The following CYBB variants were observed in gnomAD, a reference collection of about 807,000 sequenced individuals.
CYBB encodes cytochrome b-245 beta chain, also known as NADPH oxidase 2.
Under a neutral mutation model 46.5 loss-of-function variants are expected in CYBB, and 5 were observed. That is an observed-to-expected ratio of 0.11 (90% CI 0.06 to 0.23). The LOEUF is 0.23. Ranked by LOEUF, CYBB falls within the 10% of genes least tolerant of loss-of-function variation. The pLI, the probability that CYBB is intolerant of heterozygous loss-of-function variation, is 1.00. For synonymous variants in CYBB, 183 were observed against 156.7 expected (o/e 1.17, Z -1.26); for missense variants, 307 against 428.3 (o/e 0.72, Z 2.50).
chrX:37,809,539 T>G (rs1556472651), intron 11 of CYBB, 28 bp from the exon 12 acceptor site: 6 of 1,181,669 alleles, frequency 5.1e-6, no homozygotes, highest in Non-Finnish European at 5.7e-6. Context: ...TGTCTCTTTT[T>G]TTTCTGAATT....
chrX:37,805,753 G>T (rs1221747450), intron 10 of CYBB, among the ~76,000 whole-genome samples: 1 of 110,464 alleles, frequency 9.1e-6, no homozygotes, highest in Admixed American at 9.7e-5. Context: ...GAGGAGAGGA[G>T]ACCTGAAACT....
At chrX:37,780,165 C>T (rs184619190) in intron 1 of CYBB, 43 bp downstream of exon 1, 17 of 1,095,371 alleles carry the variant, frequency 1.6e-5, no homozygotes, top group Middle Eastern at 2.5e-4. Flanking sequence ...TCTGACTTCT[C>T]GGGGTTATCT....
At chrX:37,795,255 G>C (rs1929276796) in intron 5 of CYBB, among the ~76,000 whole-genome samples, 1 of 111,452 alleles carries the variant, frequency 9.0e-6, no homozygotes. Flanking sequence ...ACCTGTTCCT[G>C]TGCAAACCGT....
rs1393121898 is a variant in CYBB at position 37,780,623 on chromosome X, A to G, written c.45+501A>G. Among the ~76,000 whole-genome samples, 3 of 110,860 alleles carry G rather than the reference A, an allele frequency of 2.7e-5. No homozygotes were observed. In the East Asian group the frequency reaches 8.4e-4, roughly 31 times the overall value. On this transcript the variant is annotated intron_variant, in intron 1 of 12. Transcript: ENST00000378588. ...AAACAAGTACCTTCTTTTTTCAGAG[A>G]TCTAAACTTGAGTTATTTATAAGAT...
chrX:37,803,339 TG>T (rs781830435), intron 8 of CYBB, among the ~76,000 whole-genome samples: 2 of 110,732 alleles, frequency 1.8e-5, no homozygotes, highest in East Asian at 5.7e-4. Context: ...CTCATCCTCT[TG>T]GGGGATAGGA....
intron 8 of CYBB, 36 bp downstream of exon 8, chrX:37,801,384 T>A: frequency 1.1e-6 from 1 of 930,864 alleles, no homozygotes; most frequent in Non-Finnish European, 1.6e-6. Flanking sequence ...GTGGTCAGTG[T>A]CTAACTATAT....
chrX:37,806,236 C>A, intron 10 of CYBB, 151 bp from the exon 11 acceptor site: 1 of 600,282 alleles, frequency 1.7e-6, no homozygotes, highest in East Asian at 3.3e-5. Flanking sequence ...GTAAACTACC[C>A]TGTGAAATGT....
rs781944350 is a variant in CYBB at position 37,806,412 on chromosome X, A to T, written c.1340A>T (p.Asp447Val). Residue 447 changes from aspartate to valine, a missense_variant, in exon 11 of 13, where the codon GAC becomes GTC. Coordinates refer to ENST00000378588, the MANE Select transcript of CYBB (RefSeq NM_000397.4). ...ATCTACTTCTACTGGCTGTGCCGGG[A>T]CACACATGCCTTTGAGTGGTTTGCA... The part of the protein sequence containing the change: ...KKIYFYWLCR[D>V]THAFEWFADL... 1.0e-4 allele frequency: 124 copies of T among 1,209,143 alleles called. 1 individual carries two copies. Among genetic ancestry groups the T allele is most frequent in the Non-Finnish European group, 1.3e-4 (116 of 894,631 alleles).
intron 8 of CYBB, among the ~76,000 whole-genome samples, chrX:37,802,951 T>A (rs930384371): frequency 1.1e-4 from 12 of 112,270 alleles, no homozygotes; most frequent in African/African-American, 1.9e-4. Flanking sequence ...TTCTATTTTT[T>A]AAAAAAATTA....
chrX:37,796,000 C>G lies in CYBB; in HGVS notation c.533C>G (p.Thr178Ser). ...GCTGTGACCCTGTTGGCAGGCATCA[C>G]TGGAGTTGTCATCACGCTGTGCCTC... ...YLAVTLLAGITGVVITLCLIL... is the reference protein window; with the variant it reads ...YLAVTLLAGISGVVITLCLIL... The change falls in exon 6 of 13, where the codon ACT (threonine) becomes AGT (serine). Residue 178 changes from threonine (T) to serine (S), a missense_variant. Around this residue, in one of 3 missense-constraint regions of CYBB, gnomAD observed 103 missense variants for 150.2 expected, o/e 0.69. Coordinates refer to ENST00000378588, the MANE Select transcript of CYBB (RefSeq NM_000397.4). 8.3e-7 allele frequency: 1 copy of G among 1,209,053 alleles called. No homozygotes were observed. The highest frequency in any genetic ancestry group is 1.1e-6 in the Non-Finnish European group (1 of 893,936).
intron 11 of CYBB, 65 bp downstream of exon 11, chrX:37,806,598 G>T: frequency 1.9e-6 from 2 of 1,034,768 alleles, no homozygotes; most frequent in Admixed American, 4.7e-5. Context: ...ACTTCCCCTT[G>T]GTTATTGGTG....
chrX:37,809,625 A>G lies in CYBB; in HGVS notation c.1520A>G (p.Gln507Arg). Reference sequence around the variant, plus strand: ...AAAGATGTGATCACAGGCCTGAAACAAAAGACTTTGTATGGACGGCCCAAC... The same window carrying G: ...AAAGATGTGATCACAGGCCTGAAACGAAAGACTTTGTATGGACGGCCCAAC... Reference protein sequence around the residue: ...EEKDVITGLKQKTLYGRPNWD... With the variant: ...EEKDVITGLKRKTLYGRPNWD... The change falls in exon 12 of 13, where the codon CAA becomes CGA. Residue 507 changes from glutamine (Q) to arginine (R), a missense_variant. By Grantham distance (43) the Gln-to-Arg change is conservative. Transcript: ENST00000378588. 8.3e-7 allele frequency: 1 copy of G among 1,206,832 alleles called. No individual in the cohort carries two copies. The highest frequency in any genetic ancestry group is 1.1e-6 in the Non-Finnish European group (1 of 892,606).
intron 6 of CYBB, chrX:37,798,372 A>C (rs1265144013): frequency 3.2e-5 from 4 of 123,315 alleles, no homozygotes; most frequent in Non-Finnish European, 5.1e-5. Flanking sequence ...CTATATAGTT[A>C]AGTATCTCAA....
Position 37,796,089 on chromosome X carries a change from A to G in CYBB, c.622A>G (p.Thr208Ala), listed in dbSNP as rs782395780. The G allele has an allele frequency of 8.3e-7, 1 of 1,210,627 alleles. No individual in the cohort carries two copies. The highest frequency in any genetic ancestry group is 1.1e-6 in the Non-Finnish European group (1 of 894,556). The change falls in exon 6 of 13, where the codon ACA becomes GCA. Residue 208 changes from threonine to alanine, a missense_variant. By Grantham distance (58) the Thr-to-Ala change is moderately conservative. This residue lies in a region of CYBB where 82 missense variants were observed against 69.9 expected (regional missense o/e 1.17). Coordinates refer to ENST00000378588, the MANE Select transcript of CYBB (RefSeq NM_000397.4). ...GTCTTACTTTGAAGTCTTTTGGTACACACATCATCTCTTTGTGATCTTCTT... is the reference window on the plus strand; with the variant it reads ...GTCTTACTTTGAAGTCTTTTGGTACGCACATCATCTCTTTGTGATCTTCTT... The part of the protein sequence containing the change: ...RRSYFEVFWY[T>A]HHLFVIFFIG...
chrX:37,801,376 G>T (rs1556469868), intron 8 of CYBB, 28 bp downstream of exon 8: 5 of 988,253 alleles, frequency 5.1e-6, no homozygotes, highest in Non-Finnish European at 7.2e-6. Flanking sequence ...AATTACTAGT[G>T]GTCAGTGTCT....
chrX:37,791,162 G>T (rs1780017947), intron 3 of CYBB, among the ~76,000 whole-genome samples: 1 of 110,878 alleles, frequency 9.0e-6, no homozygotes, highest in Admixed American at 9.6e-5. Context: ...TTAAATCCCA[G>T]CTCTGCAACT....
chrX:37,799,099 T>A lies in CYBB; in HGVS notation c.804+15T>A. Reference sequence around the variant, plus strand: ...ACCCTCCTATGGTATGTACAATTCATTGTTGTTATTACAGTTTCATTACTG... The same window carrying A: ...ACCCTCCTATGGTATGTACAATTCAATGTTGTTATTACAGTTTCATTACTG... On this transcript the variant is annotated intron_variant, in intron 7 of 12. Transcript: ENST00000378588. The A allele has an allele frequency of 8.4e-7, 1 of 1,196,054 alleles. No homozygotes were observed. Among genetic ancestry groups the A allele is most frequent in the Non-Finnish European group, 1.1e-6 (1 of 881,511 alleles).
intron 3 of CYBB, among the ~76,000 whole-genome samples, chrX:37,785,068 A>T (rs1197579649): frequency 1.8e-5 from 2 of 112,221 alleles, no homozygotes; most frequent in Non-Finnish European, 3.8e-5. Flanking sequence ...CTAATATAGG[A>T]CTAGAGGCTA....
intron 2 of CYBB, among the ~76,000 whole-genome samples, chrX:37,782,565 C>A (rs1193061030): frequency 8.9e-6 from 1 of 112,442 alleles, no homozygotes; most frequent in Non-Finnish European, 1.9e-5. Flanking sequence ...TACTTTTTTG[C>A]ATGAAGAGCT....
Sources: gnomAD v4.1 joint callset for allele counts (sites outside exome capture counted in the v4.1 genomes callset) on GRCh38, gnomAD v4.1.1 for gene constraint, gnomAD v4.1.1 regional missense constraint, MANE v1.5 for transcripts, NCBI Gene and HGNC (gene_info 2026-07-23, HGNC 2026-07-21) for gene names.